Variants in LYN observed in about 807,000 individuals in gnomAD.
LYN encodes LYN proto-oncogene, Src family tyrosine kinase, also known as tyrosine-protein kinase Lyn.
LYN carries 12 observed loss-of-function variants against 65.0 expected under a neutral mutation model. The ratio of observed to expected loss-of-function variants is 0.18; its 90% confidence interval spans 0.12 to 0.30. LYN has a LOEUF of 0.30. Ranked by LOEUF, LYN falls within the 10% of genes least tolerant of loss-of-function variation. The pLI, the probability that LYN is intolerant of heterozygous loss-of-function variation, is 1.00. For missense variants in LYN, 380 were observed against 623.2 expected, an observed-to-expected ratio of 0.61 and a Z score of 4.16; for synonymous variants, 222 against 221.2, an observed-to-expected ratio of 1.00 and a Z score of -0.03.
intron 1 of LYN, among the ~76,000 whole-genome samples, chr8:55,882,998 C>T (rs1264671255): frequency 2.0e-5 from 3 of 152,150 alleles, no homozygotes; most frequent in Non-Finnish European, 2.9e-5. Context: ...GCATTTAATA[C>T]ACTTAACCTA....
chr8:55,901,831 C>T (rs1805273692), intron 1 of LYN, among the ~76,000 whole-genome samples: 1 of 152,100 alleles, frequency 6.6e-6, no homozygotes, highest in African/African-American at 2.4e-5. Context: ...TTTCCTGGCT[C>T]AACCAAAGAT....
chr8:55,957,865 T>TTGATCC (rs1236461047), intron 8 of LYN, among the ~76,000 whole-genome samples: 2 of 152,134 alleles, frequency 1.3e-5, no homozygotes, highest in Non-Finnish European at 2.9e-5. Flanking sequence ...GGAGGATCGC[T>TTGATCC]TGAGCCTAGG....
chr8:55,978,157 A>G (rs1807808948), intron 10 of LYN, among the ~76,000 whole-genome samples: 1 of 152,172 alleles, frequency 6.6e-6, no homozygotes, highest in Non-Finnish European at 1.5e-5. Flanking sequence ...CTGAGTTATG[A>G]AACTGAGGTG....
At chr8:56,008,123 A>AAAAAAAAT (rs145011760) in intron 12 of LYN, among the ~76,000 whole-genome samples, 2 of 140,668 alleles carry the variant, frequency 1.4e-5, no homozygotes, top group Non-Finnish European at 3.1e-5. Context: ...TGCCTCAAAA[A>AAAAAAAAT]AAAAATAAAA....
chr8:55,955,819 C>T (rs1164525540), intron 8 of LYN, among the ~76,000 whole-genome samples: 1 of 152,178 alleles, frequency 6.6e-6, no homozygotes, highest in Non-Finnish European at 1.5e-5. Flanking sequence ...ATAATGTTTT[C>T]AAGGTTCATC....
chr8:55,995,908 T>C (rs1395687150), intron 10 of LYN, among the ~76,000 whole-genome samples: 2 of 152,198 alleles, frequency 1.3e-5, no homozygotes. Context: ...ATTATTTTAC[T>C]TGAGATTTTT....
At chr8:55,973,551 G>A (rs903880252) in intron 10 of LYN, among the ~76,000 whole-genome samples, 1 of 152,184 alleles carries the variant, frequency 6.6e-6, no homozygotes, top group Non-Finnish European at 1.5e-5. Flanking sequence ...GGAAAGAAAA[G>A]GGGTTAAAAC....
At chr8:55,921,107 G>A (rs16922408) in intron 1 of LYN, among the ~76,000 whole-genome samples, 1 of 152,172 alleles carries the variant, frequency 6.6e-6, no homozygotes, top group Non-Finnish European at 1.5e-5. Flanking sequence ...CGTCTGAAAC[G>A]AAAACAATTT....
intron 1 of LYN, among the ~76,000 whole-genome samples, chr8:55,925,995 T>G (rs1211055802): frequency 6.6e-6 from 1 of 152,212 alleles, no homozygotes; most frequent in Non-Finnish European, 1.5e-5. Flanking sequence ...ATAAAACTTT[T>G]TATCTTGTTT....
At chr8:55,891,019 G>A (rs556674725) in intron 1 of LYN, among the ~76,000 whole-genome samples, 5 of 150,194 alleles carry the variant, frequency 3.3e-5, no homozygotes, top group South Asian at 2.2e-4. Flanking sequence ...ATGAACCACC[G>A]TGCCCAGCCA....
At position 55,946,486 on chromosome 8, in the gene LYN, A is replaced by T; in HGVS notation, c.171A>T (p.Gln57His). ...AGCTTTTACCTGGACAGAGGTTTCA[A>T]ACTAAAGGTATGTTTTCATAGCAAC... is the stretch of plus-strand genomic sequence containing the variant. The part of the protein sequence containing the change: ...ESQLLPGQRF[Q>H]TKDPEEQGDI... The change falls in exon 3 of 13, where the codon CAA (glutamine) becomes CAT (histidine). Residue 57 changes from glutamine to histidine, a missense_variant. Gln to His is a conservative substitution (Grantham distance 24, BLOSUM62 0). Around this residue, in one of 2 missense-constraint regions of LYN, gnomAD observed 157 missense variants for 193.2 expected, o/e 0.81. Transcript: ENST00000519728. The T allele has an allele frequency of 6.2e-7, 1 of 1,606,926 alleles. No individual in the cohort carries two copies. The highest frequency in any genetic ancestry group is 8.5e-7 in the Non-Finnish European group (1 of 1,174,650).
chr8:56,000,669 A>G (rs1808486804), intron 12 of LYN, among the ~76,000 whole-genome samples: 1 of 135,972 alleles, frequency 7.4e-6, no homozygotes, highest in South Asian at 2.4e-4. Context: ...CACAGGTTGC[A>G]GTGAGCCGAG....
At chr8:55,902,197 A>G (rs765452178) in intron 1 of LYN, among the ~76,000 whole-genome samples, 6 of 151,708 alleles carry the variant, frequency 4.0e-5, no homozygotes, top group Non-Finnish European at 8.8e-5. Flanking sequence ...TAGTAGAGAC[A>G]GGGTTTCTAC....
At chr8:55,892,281 G>A (rs1288743113) in intron 1 of LYN, among the ~76,000 whole-genome samples, 1 of 152,170 alleles carries the variant, frequency 6.6e-6, no homozygotes, top group East Asian at 1.9e-4. Flanking sequence ...ATAGCCAGGT[G>A]TGGTGGCACA....
chr8:55,914,989 G>A (rs887681220), intron 1 of LYN, among the ~76,000 whole-genome samples: 2 of 152,218 alleles, frequency 1.3e-5, no homozygotes, highest in African/African-American at 4.8e-5. Flanking sequence ...TTTAATAATT[G>A]TGAATTAGAC....
chr8:55,916,130 T>C (rs570497096), intron 1 of LYN, among the ~76,000 whole-genome samples: 5 of 152,352 alleles, frequency 3.3e-5, no homozygotes, highest in African/African-American at 1.2e-4. Context: ...AATTATCTCA[T>C]GATAGTTTCA....
chr8:56,002,482 C>T (rs866281749), intron 12 of LYN, among the ~76,000 whole-genome samples: 10 of 150,686 alleles, frequency 6.6e-5, no homozygotes, highest in Middle Eastern at 3.4e-3. Flanking sequence ...TGTGGTGGTG[C>T]ACGCCTGTAA....
In LYN at chr8:56,012,963, A is replaced by G. The variant is rs572992650; in HGVS notation, c.*2853A>G. 3.9e-5 allele frequency: 6 copies of G among 152,262 alleles called. No homozygotes were observed. Among genetic ancestry groups the G allele is most frequent in the Admixed American group, 2.0e-4 (3 of 15,296 alleles). The allele number at this position is 152,262 out of a possible 1,614,324, so 9.4% of individuals were successfully genotyped here. ...CAGGCTAGAAACCAGTGTCCTTAGT[A>G]GTAGGGGCCACCTGGGGCTTCCGTG... is the stretch of plus-strand genomic sequence containing the variant. On this transcript the variant is annotated 3_prime_UTR_variant, in exon 13 of 13. Coordinates refer to ENST00000519728, the MANE Select transcript of LYN (RefSeq NM_002350.4).
chr8:55,901,623 G>A (rs960447239), intron 1 of LYN, among the ~76,000 whole-genome samples: 1 of 152,154 alleles, frequency 6.6e-6, no homozygotes, highest in Non-Finnish European at 1.5e-5. Flanking sequence ...GTAGGGCCGG[G>A]GGAGGTCCTG....
Sources: allele counts gnomAD v4.1 joint callset (sites outside exome capture counted in the v4.1 genomes callset), GRCh38; gene constraint gnomAD v4.1.1; regional missense constraint gnomAD v4.1.1; transcripts MANE v1.5; gene names NCBI Gene and HGNC (gene_info 2026-07-23, HGNC 2026-07-21).